Variants in RPS6KA2 observed in about 807,000 individuals in gnomAD.
RPS6KA2 encodes ribosomal protein S6 kinase A2.
RPS6KA2 carries 42 observed loss-of-function variants against 91.8 expected under a neutral mutation model. The ratio of observed to expected loss-of-function variants is 0.46; its 90% CI spans 0.36 to 0.59. RPS6KA2 has a LOEUF of 0.59. Among genes scored for constraint, RPS6KA2 ranks in the 20% least tolerant of loss-of-function variants. The pLI, the probability that RPS6KA2 is intolerant of heterozygous loss-of-function variation, is 0.00. For synonymous variants in RPS6KA2, 414 were observed against 393.6 expected (o/e 1.05, Z -0.61); for missense variants, 798 against 978.5 (o/e 0.82, Z 2.46).
intron 1 of RPS6KA2, among the ~76,000 whole-genome samples, chr6:166,539,328 C>A (rs1380315027): frequency 6.6e-6 from 1 of 152,152 alleles, no homozygotes; most frequent in African/African-American, 2.4e-5. Context: ...CTTACCAAGG[C>A]CTCCGAAAAA....
Position 166,712,778 on chromosome 6 carries a change from C to A in RPS6KA2, c.123+145422G>T, listed in dbSNP as rs750393103. Among the ~76,000 whole-genome samples, 4 of 152,302 alleles carry A rather than the reference C, an allele frequency of 2.6e-5. No individual in the cohort carries two copies. The South Asian group carries it at 6.2e-4, about 24-fold the overall frequency. ...CACAGGGTTCTGCCTTCCCGGCGCC[C>A]CCTTCTAGATGTTGCCACGTGGTCA... On this transcript the variant is annotated intron_variant, in intron 2 of 21. Coordinates refer to the RPS6KA2 transcript ENST00000503859.
At chr6:166,803,437 G>C (rs776936321) in intron 2 of RPS6KA2, among the ~76,000 whole-genome samples, 1 of 152,222 alleles carries the variant, frequency 6.6e-6, no homozygotes, top group South Asian at 2.1e-4. Context: ...CTGGAATACA[G>C]TTGTTGGCCC....
chr6:166,778,212 G>C (rs1000075665), intron 2 of RPS6KA2, among the ~76,000 whole-genome samples: 6 of 152,250 alleles, frequency 3.9e-5, no homozygotes, highest in Admixed American at 2.6e-4. Context: ...AGACCTGCCT[G>C]CCTCTGTGTG....
chr6:166,853,914 A>G (rs540651921), intron 2 of RPS6KA2, among the ~76,000 whole-genome samples: 2 of 152,326 alleles, frequency 1.3e-5, no homozygotes, highest in Admixed American at 1.3e-4. Flanking sequence ...AGCCTCAGGG[A>G]GCCAGGGCCT....
intron 1 of RPS6KA2, among the ~76,000 whole-genome samples, chr6:166,592,305 C>T (rs1785381005): frequency 6.6e-6 from 1 of 152,228 alleles, no homozygotes; most frequent in South Asian, 2.1e-4. Context: ...AACCAGGGAA[C>T]TCACCTGCGG....
intron 3 of RPS6KA2, among the ~76,000 whole-genome samples, chr6:166,520,264 T>C (rs1782807751): frequency 2.0e-5 from 3 of 152,164 alleles, no homozygotes; most frequent in African/African-American, 4.8e-5. Flanking sequence ...CTGGAACTTA[T>C]ACCACCAGCT....
intron 2 of RPS6KA2, among the ~76,000 whole-genome samples, chr6:166,534,453 T>C (rs1466033917): frequency 6.6e-6 from 1 of 152,064 alleles, no homozygotes; most frequent in Non-Finnish European, 1.5e-5. Context: ...CTTCACAATA[T>C]CCTGAGTGGG....
intron 2 of RPS6KA2, chr6:166,701,725 T>G: frequency 2.3e-6 from 3 of 1,305,496 alleles, no homozygotes; most frequent in Non-Finnish European, 3.3e-6. Context: ...GGCGTTCAGA[T>G]TTAATCCAGG....
chr6:166,791,717 A>G (rs1779095243), intron 2 of RPS6KA2, among the ~76,000 whole-genome samples: 1 of 151,764 alleles, frequency 6.6e-6, no homozygotes, highest in South Asian at 2.1e-4. Context: ...AAACTCACTC[A>G]AAACCACTCA....
intron 1 of RPS6KA2, among the ~76,000 whole-genome samples, chr6:166,577,338 C>T (rs968309917): frequency 2.6e-5 from 4 of 152,220 alleles, no homozygotes; most frequent in East Asian, 3.9e-4. Flanking sequence ...GATCCAACGA[C>T]AGCTTGCACT....
At chr6:166,506,198 G>T (rs1447118285) in intron 5 of RPS6KA2, among the ~76,000 whole-genome samples, 1 of 152,190 alleles carries the variant, frequency 6.6e-6, no homozygotes, top group African/African-American at 2.4e-5. Context: ...CCAAGGAAAA[G>T]ACTTTCCGCA....
At chr6:166,421,712 A>G (rs1778727013) in intron 17 of RPS6KA2, among the ~76,000 whole-genome samples, 1 of 152,162 alleles carries the variant, frequency 6.6e-6, no homozygotes, top group South Asian at 2.1e-4. Flanking sequence ...GCATGCATAA[A>G]TGAGAAGATG....
chr6:166,686,625 C>T (rs1165058783), intron 2 of RPS6KA2, among the ~76,000 whole-genome samples: 1 of 152,226 alleles, frequency 6.6e-6, no homozygotes, highest in Non-Finnish European at 1.5e-5. Flanking sequence ...CCCTCACTGG[C>T]TCACTTCTGC....
intron 1 of RPS6KA2, among the ~76,000 whole-genome samples, chr6:166,575,426 AT>A: frequency 6.6e-6 from 1 of 152,288 alleles, no homozygotes; most frequent in East Asian, 1.9e-4. Context: ...GCACTATGAA[AT>A]CCAAGGTTGC....
intron 2 of RPS6KA2, among the ~76,000 whole-genome samples, chr6:166,655,358 G>A (rs986891032): frequency 2.6e-5 from 4 of 152,202 alleles, no homozygotes; most frequent in African/African-American, 9.7e-5. Flanking sequence ...TGGTGACAAC[G>A]TGCAGACACA....
chr6:166,473,636 G>C (rs57870390), intron 10 of RPS6KA2, among the ~76,000 whole-genome samples: 5,556 of 152,294 alleles, frequency 0.036, 330 homozygotes, highest in African/African-American at 0.13. Context: ...TGTGTGCATT[G>C]TGTCTGTATA....
intron 2 of RPS6KA2, among the ~76,000 whole-genome samples, chr6:166,710,820 G>A (rs1444968771): frequency 6.6e-6 from 1 of 152,122 alleles, no homozygotes; most frequent in African/African-American, 2.4e-5. Flanking sequence ...TGCCTCATGT[G>A]TACTAGACCT....
chr6:166,459,404 C>G lies in RPS6KA2; in HGVS notation c.1075+45G>C. ...TCCTAGATATCTGTCTCTAAGGGGT[C>G]AGGTGGGAGAAGCCACCGATAGAGG... is the stretch of plus-strand genomic sequence containing the variant. On this transcript the variant is annotated intron_variant, in intron 12 of 20. Coordinates refer to ENST00000265678, the MANE Select transcript of RPS6KA2 (RefSeq NM_021135.6). This position sits in a 1 kb window ranked among gnomAD's most constrained non-coding sequence, Gnocchi z 4.9. 8.3e-7 allele frequency: 1 copy of G among 1,209,748 alleles called. No individual in the cohort carries two copies. Among genetic ancestry groups the G allele is most frequent in the Non-Finnish European group, 1.2e-6 (1 of 818,384 alleles). 74.9% of individuals were successfully genotyped at this position (1,209,748 alleles called of 1,614,324 possible). A position where few individuals can be genotyped will look rare whatever the true frequency, so the allele number is the denominator to read the frequency against.
At chr6:166,588,707 C>G (rs1419854311) in intron 1 of RPS6KA2, among the ~76,000 whole-genome samples, 1 of 152,232 alleles carries the variant, frequency 6.6e-6, no homozygotes, top group Non-Finnish European at 1.5e-5. Flanking sequence ...TATTGCTGCC[C>G]TGTAACCTGG....
Sources: gnomAD v4.1 joint callset for allele counts (sites outside exome capture counted in the v4.1 genomes callset) on GRCh38, gnomAD v4.1.1 for gene constraint, Gnocchi (gnomAD v3.1) non-coding constraint, MANE v1.5 for transcripts, NCBI Gene and HGNC (gene_info 2026-07-23, HGNC 2026-07-21) for gene names.